ELMOD3: variants seen among roughly 807,000 people sequenced by gnomAD.
The protein encoded by ELMOD3 is ELMO domain-containing protein 3.
ELMOD3 carries 36 observed loss-of-function variants against 47.4 expected under a neutral mutation model. That is an observed-to-expected ratio of 0.76 (90% CI 0.58 to 1.00). ELMOD3 has a LOEUF of 1.00. Ranked by LOEUF, ELMOD3 falls within the 50% of genes least tolerant of loss-of-function variation. The pLI is 0.00. For missense variants in ELMOD3, 404 were observed against 463.8 expected (o/e 0.87, Z 1.18); for synonymous variants, 149 against 183.5 (o/e 0.81, Z 1.52).
In ELMOD3 at chr2:85,376,053, A is replaced by G. The variant is rs1386220327; in HGVS notation, c.608-1291A>G. On this transcript the variant is annotated intron_variant, in intron 10 of 13. Coordinates refer to ENST00000409013, the MANE Select transcript of ELMOD3 (RefSeq NM_001135022.2). The surrounding 1 kb of genome is among the most constrained non-coding windows in gnomAD (Gnocchi z 4.2). ...AACCTTAATTCTACCTGCAGTCTTAATCCCCTTTGCCATGTTACATAACAT... is the reference window on the plus strand; with the variant it reads ...AACCTTAATTCTACCTGCAGTCTTAGTCCCCTTTGCCATGTTACATAACAT... Among the ~76,000 whole-genome samples the G allele has an allele frequency of 6.6e-6, 1 of 152,072 alleles. No homozygotes were observed. Among genetic ancestry groups the G allele is most frequent in the African/African-American group, 2.4e-5 (1 of 41,400 alleles).
chr2:85,369,466 A>T (rs1259859260), intron 7 of ELMOD3, among the ~76,000 whole-genome samples: 1 of 152,178 alleles, frequency 6.6e-6, no homozygotes, highest in Admixed American at 6.5e-5. Context: ...CCCCTCGTAG[A>T]TGAGAGCATT....
At chr2:85,379,278 C>T (rs945625966) in intron 11 of ELMOD3, among the ~76,000 whole-genome samples, 1 of 152,228 alleles carries the variant, frequency 6.6e-6, no homozygotes, top group South Asian at 2.1e-4. Context: ...GGCGCGATAG[C>T]ACACTGCAGC....
chr2:85,358,184 C>A (rs936131295), intron 4 of ELMOD3, among the ~76,000 whole-genome samples: 1 of 146,960 alleles, frequency 6.8e-6, no homozygotes, highest in African/African-American at 2.5e-5. Flanking sequence ...GAAGCTGAGG[C>A]AAGAGAATCG....
intron 11 of ELMOD3, among the ~76,000 whole-genome samples, chr2:85,382,468 G>A (rs948032682): frequency 1.3e-5 from 2 of 150,592 alleles, no homozygotes; most frequent in African/African-American, 4.9e-5. Flanking sequence ...GGCAGGACAC[G>A]GTGTTCCTTT....
intron 6 of ELMOD3, among the ~76,000 whole-genome samples, chr2:85,364,825 A>ATATATATATATT (rs375582916): frequency 1.2e-3 from 84 of 69,886 alleles, no homozygotes; most frequent in Non-Finnish European, 1.7e-3. Context: ...ATATATATAT[A>ATATATATATATT]TTTTTTTTTT....
At chr2:85,374,424 C>T (rs1160220145) in intron 10 of ELMOD3, among the ~76,000 whole-genome samples, 4 of 152,198 alleles carry the variant, frequency 2.6e-5, no homozygotes, top group African/African-American at 9.7e-5. Flanking sequence ...TCGCTGCAAC[C>T]TCCACCTCCT....
At chr2:85,370,471 C>T (rs1006997580) in intron 8 of ELMOD3, among the ~76,000 whole-genome samples, 2 of 151,054 alleles carry the variant, frequency 1.3e-5, no homozygotes, top group African/African-American at 2.4e-5. Context: ...AGTAACAATA[C>T]GTTTAGAGAA....
At chr2:85,388,097 A>C (rs1213989085) in intron 11 of ELMOD3, among the ~76,000 whole-genome samples, 1 of 152,126 alleles carries the variant, frequency 6.6e-6, no homozygotes, top group Non-Finnish European at 1.5e-5. Flanking sequence ...CTCTGGAATC[A>C]CAGAGGGAAA....
intron 4 of ELMOD3, among the ~76,000 whole-genome samples, chr2:85,357,818 G>A (rs1006162308): frequency 2.6e-5 from 4 of 152,204 alleles, no homozygotes; most frequent in Non-Finnish European, 5.9e-5. Flanking sequence ...GGAGGGGACT[G>A]AATTGGAGAA....
Position 85,390,178 on chromosome 2 carries a change from A to G in ELMOD3, c.856A>G (p.Ser286Gly). The G allele has an allele frequency of 1.9e-6, 3 of 1,614,216 alleles. No individual in the cohort carries two copies. The highest frequency in any genetic ancestry group is 8.5e-7 in the Non-Finnish European group (1 of 1,180,040). ...RQQKVIPVVNSFYAATFLHLA... is the reference protein window; with the variant it reads ...RQQKVIPVVNGFYAATFLHLA... ...GCAGAAGGTCATCCCCGTGGTGAAC[A>G]GCTTCTATGCCGCCACATTCCTCCA... Residue 286 changes from serine to glycine, a missense_variant, in exon 13 of 14, where the codon AGC becomes GGC. Coordinates refer to ENST00000409013, the MANE Select transcript of ELMOD3 (RefSeq NM_001135022.2).
At chr2:85,379,199 GT>G (rs927445066) in intron 11 of ELMOD3, among the ~76,000 whole-genome samples, 20 of 152,086 alleles carry the variant, frequency 1.3e-4, no homozygotes, top group Admixed American at 7.9e-4. Context: ...ACATTATTTT[GT>G]TTTGTTTTGT....
At chr2:85,363,286 A>G (rs956771408) in intron 6 of ELMOD3, 120 bp downstream of exon 6, 10 of 650,758 alleles carry the variant, frequency 1.5e-5, no homozygotes, top group African/African-American at 5.5e-5. Context: ...TTGTAGATGT[A>G]TCAGTCCTTG....
chr2:85,391,077 A>T lies in ELMOD3; in HGVS notation c.*115A>T. The T allele has an allele frequency of 9.4e-7, 1 of 1,062,038 alleles. No homozygotes were observed. Among genetic ancestry groups the T allele is most frequent in the Non-Finnish European group, 1.4e-6 (1 of 740,316 alleles). 65.8% of individuals were successfully genotyped at this position (1,062,038 alleles called of 1,614,324 possible). A position where few individuals can be genotyped will look rare whatever the true frequency, so the allele number is the denominator to read the frequency against. ...CCCTTGCTGTCTCAGCAGATGGGAT[A>T]TAGGAAGCTCCTGGGCTTAGCTGTG... On this transcript the variant is annotated 3_prime_UTR_variant, in exon 14 of 14. Transcript: ENST00000409013.
intron 10 of ELMOD3, among the ~76,000 whole-genome samples, chr2:85,373,647 T>C (rs190881730): frequency 4.6e-5 from 7 of 152,110 alleles, no homozygotes; most frequent in Non-Finnish European, 8.8e-5. Flanking sequence ...AAGACCAGCC[T>C]GGCCAAAATA....
rs1231209160 is a variant in ELMOD3, at chr2:85,360,286, A to G, written c.55-1900A>G. Among the ~76,000 whole-genome samples the G allele has an allele frequency of 3.3e-5, 5 of 149,958 alleles. No individual in the cohort carries two copies. The East Asian group carries it at 9.8e-4, about 29-fold the overall frequency. On this transcript the variant is annotated intron_variant, in intron 4 of 13. Transcript: ENST00000409013. The stretch of plus-strand genomic sequence containing the variant: ...CATCTCAAAAAAAAAAAAAAAAAAA[A>G]GCCACCATTTCAGTTACCTTTTGTG...
chr2:85,377,434 T>C lies in ELMOD3; in HGVS notation c.698T>C (p.Met233Thr). 1 of 1,610,486 alleles carries C rather than the reference T, an allele frequency of 6.2e-7. No homozygotes were observed. Among genetic ancestry groups the C allele is most frequent in the Non-Finnish European group, 8.5e-7 (1 of 1,178,330 alleles). The change falls in exon 11 of 14, where the codon ATG becomes ACG. Residue 233 changes from methionine (M) to threonine (T), a missense_variant. Coordinates refer to ENST00000409013, the MANE Select transcript of ELMOD3 (RefSeq NM_001135022.2). ...YLVMDSKTLP[M>T]AQEIFRLSRH... The stretch of plus-strand genomic sequence containing the variant: ...GTGATGGACTCAAAGACCTTGCCGA[T>C]GGCGCAGGAGATTTTCCGCCTGTCT...
Position 85,376,180 on chromosome 2 carries a change from A to G in ELMOD3, c.608-1164A>G, listed in dbSNP as rs1685155965. 6.6e-6 allele frequency among the ~76,000 whole-genome samples: 1 copy of G among 152,154 alleles called. No homozygotes were observed. Among genetic ancestry groups the G allele is most frequent in the South Asian group, 2.1e-4 (1 of 4,824 alleles). ...GTCAAATAATTCCAACAACTGTGTC[A>G]TCTCTGTTGGTGTCTGTTGATCATC... On this transcript the variant is annotated intron_variant, in intron 10 of 13. Transcript: ENST00000409013. This position sits in a 1 kb window ranked among gnomAD's most constrained non-coding sequence, Gnocchi z 4.2.
chr2:85,361,326 G>A (rs1346628501), intron 4 of ELMOD3, among the ~76,000 whole-genome samples: 1 of 152,146 alleles, frequency 6.6e-6, no homozygotes, highest in Non-Finnish European at 1.5e-5. Flanking sequence ...CAGGAAATCG[G>A]TATAAAATTT....
chr2:85,364,556 C>G (rs1426676754), intron 6 of ELMOD3, among the ~76,000 whole-genome samples: 1 of 150,620 alleles, frequency 6.6e-6, no homozygotes, highest in Non-Finnish European at 1.5e-5. Flanking sequence ...TGTACTGCAC[C>G]CTGGCAGCAA....
Sources: gnomAD v4.1 joint callset for allele counts (sites outside exome capture counted in the v4.1 genomes callset) on GRCh38, gnomAD v4.1.1 for gene constraint, Gnocchi (gnomAD v3.1) non-coding constraint, MANE v1.5 for transcripts, NCBI Gene and HGNC (gene_info 2026-07-23, HGNC 2026-07-21) for gene names.